Variants in COL5A1 observed in about 807,000 individuals in gnomAD.
COL5A1 encodes collagen alpha-1(V) chain.
COL5A1 carries 16 observed loss-of-function variants against 263.7 expected under a neutral mutation model. The observed-to-expected ratio is 0.06, with a 90% CI of 0.04 to 0.09. The LOEUF (loss-of-function observed/expected upper bound fraction) is 0.09, where lower values mean the gene tolerates loss of function less well. COL5A1 is among the 10% of genes least tolerant of loss of function. COL5A1 has a pLI of 1.00. For synonymous variants in COL5A1, 1,012 were observed against 1,004.5 expected, an observed-to-expected ratio of 1.01 and a Z score of -0.14; for missense variants, 2,036 against 2,540.5, an observed-to-expected ratio of 0.80 and a Z score of 4.27.
At chr9:134,831,637 G>T (rs755582035) in intron 64 of COL5A1, among the ~76,000 whole-genome samples, 1 of 152,190 alleles carries the variant, frequency 6.6e-6, no homozygotes, top group Non-Finnish European at 1.5e-5. Flanking sequence ...AGTCTTGCGG[G>T]TAGTTACCGC....
chr9:134,686,544 G>A lies in COL5A1; in HGVS notation c.110-4368G>A, dbSNP rs941216007. Among the ~76,000 whole-genome samples, 3 of 152,124 alleles carry A rather than the reference G, an allele frequency of 2.0e-5. No individual in the cohort carries two copies. Among genetic ancestry groups the A allele is most frequent in the Non-Finnish European group, 2.9e-5 (2 of 68,028 alleles). ...TGGGATTCCAGTCCTGAGCCACCGCGCCTGGCCATCAAATTCTTTTCAGTC... is the reference window on the plus strand; with the variant it reads ...TGGGATTCCAGTCCTGAGCCACCGCACCTGGCCATCAAATTCTTTTCAGTC... On this transcript the variant is annotated intron_variant, in intron 1 of 65. Coordinates refer to ENST00000371817, the MANE Select transcript of COL5A1 (RefSeq NM_000093.5). This position sits in a 1 kb window ranked among gnomAD's most constrained non-coding sequence, Gnocchi z 4.6.
At chr9:134,768,343 T>C in intron 24 of COL5A1, 67 bp from the exon 25 acceptor site, 1 of 1,360,448 alleles carries the variant, frequency 7.4e-7, no homozygotes, top group South Asian at 1.2e-5. Context: ...GTAACCTTGG[T>C]GGCCGACGGA....
chr9:134,793,173 C>T (rs1401650381), intron 32 of COL5A1, among the ~76,000 whole-genome samples: 1 of 151,596 alleles, frequency 6.6e-6, no homozygotes, highest in Non-Finnish European at 1.5e-5. Context: ...AGCCCCTTCC[C>T]GGGAAGGGGG....
At chr9:134,655,449 G>A (rs369872226) in intron 1 of COL5A1, among the ~76,000 whole-genome samples, 1 of 152,072 alleles carries the variant, frequency 6.6e-6, no homozygotes, top group African/African-American at 2.4e-5. Flanking sequence ...CCTGAGCTCA[G>A]TGCTGCTAAG....
chr9:134,759,712 ACCC>A (rs200903656), intron 18 of COL5A1, among the ~76,000 whole-genome samples: 1 of 55,330 alleles, frequency 1.8e-5, no homozygotes, highest in African/African-American at 9.5e-5. Flanking sequence ...ACATGCACAC[ACCC>A]CCCCACCCCC....
chr9:134,701,482 C>G (rs1175227959), intron 4 of COL5A1, 149 bp downstream of exon 4: 4 of 827,110 alleles, frequency 4.8e-6, no homozygotes, highest in Non-Finnish European at 8.0e-6. Context: ...GCCTCTGCTG[C>G]CATCCTAAGA....
intron 65 of COL5A1, among the ~76,000 whole-genome samples, chr9:134,836,721 C>A (rs1435399781): frequency 6.6e-6 from 1 of 152,220 alleles, no homozygotes; most frequent in East Asian, 1.9e-4. Flanking sequence ...CTGGCCCTCA[C>A]CCATAGGACG....
chr9:134,834,027 T>C (rs562627340), intron 64 of COL5A1, among the ~76,000 whole-genome samples: 1 of 152,148 alleles, frequency 6.6e-6, no homozygotes, highest in Admixed American at 6.5e-5. Flanking sequence ...TCCTGCCAGG[T>C]GGGGAGTGTC....
intron 1 of COL5A1, among the ~76,000 whole-genome samples, chr9:134,663,151 A>G (rs964218333): frequency 5.9e-5 from 9 of 152,234 alleles, no homozygotes; most frequent in Non-Finnish European, 2.9e-5. Context: ...TGCTGGGTGC[A>G]TCCATCGGAC....
At chr9:134,810,484 C>A in intron 44 of COL5A1, 176 bp downstream of exon 44, 2 of 619,390 alleles carry the variant, frequency 3.2e-6, no homozygotes, top group Non-Finnish European at 5.8e-6. Context: ...CACACGCGTG[C>A]ATATCTGGGA....
At chr9:134,830,227 G>A (rs937975860) in intron 64 of COL5A1, 183 bp downstream of exon 64, 25 of 1,555,604 alleles carry the variant, frequency 1.6e-5, no homozygotes, top group South Asian at 3.5e-5. Flanking sequence ...CTTGCGGCAC[G>A]GCTGGCTCGC....
intron 37 of COL5A1, among the ~76,000 whole-genome samples, chr9:134,799,034 T>C (rs1253274891): frequency 6.6e-6 from 1 of 152,158 alleles, no homozygotes; most frequent in Non-Finnish European, 1.5e-5. Context: ...ATGTCCCTTT[T>C]TACACTAAAG....
chr9:134,811,069 G>C lies in COL5A1; in HGVS notation c.3529-270G>C, dbSNP rs560000785. Among the ~76,000 whole-genome samples, 102 of 152,318 alleles carry C rather than the reference G, an allele frequency of 6.7e-4. No individual in the cohort carries two copies. In the South Asian group the frequency reaches 0.021, roughly 31 times the overall value. On this transcript the variant is annotated intron_variant, in intron 44 of 65. Coordinates refer to ENST00000371817, the MANE Select transcript of COL5A1 (RefSeq NM_000093.5). ...TCACGTGCCCCTGTTGTGGGTGCATGATGGGAGCTGAGATGACACACGGTG... is the reference window on the plus strand; with the variant it reads ...TCACGTGCCCCTGTTGTGGGTGCATCATGGGAGCTGAGATGACACACGGTG...
chr9:134,642,218 A>G lies in COL5A1; in HGVS notation c.31A>G (p.Ser11Gly). The change falls in exon 1 of 66, where the codon AGC becomes GGC. Residue 11 changes from serine (S) to glycine (G), a missense_variant. By Grantham distance (56) the Ser-to-Gly change is moderately conservative (BLOSUM62 0). Coordinates refer to ENST00000371817, the MANE Select transcript of COL5A1 (RefSeq NM_000093.5). This position sits in a 1 kb window ranked among gnomAD's most constrained non-coding sequence, Gnocchi z 4.5. Reference protein sequence around the residue: MDVHTRWKARSALRPGAPLLP... With the variant: MDVHTRWKARGALRPGAPLLP... ...CGTCCATACCCGCTGGAAAGCGCGC[A>G]GCGCGCTCCGCCCGGGCGCCCCGCT... is the stretch of plus-strand genomic sequence containing the variant. 7.7e-7 allele frequency: 1 copy of G among 1,301,850 alleles called. No homozygotes were observed. The highest frequency in any genetic ancestry group is 9.8e-7 in the Non-Finnish European group (1 of 1,022,032). 80.6% of individuals were successfully genotyped at this position (1,301,850 alleles called of 1,614,324 possible). A position where few individuals can be genotyped will look rare whatever the true frequency, so the allele number is the denominator to read the frequency against.
chr9:134,784,840 C>T (rs755081663), intron 29 of COL5A1, 149 bp from the exon 30 acceptor site: 2 of 672,314 alleles, frequency 3.0e-6, no homozygotes, highest in African/African-American at 1.8e-5. Context: ...GGGAGCAGCT[C>T]CGTGGTCTGA....
At chr9:134,811,193 C>A (rs1049939189) in intron 44 of COL5A1, 146 bp from the exon 45 acceptor site, 19 of 797,432 alleles carry the variant, frequency 2.4e-5, no homozygotes, top group Non-Finnish European at 3.6e-5. Flanking sequence ...AGCAGGCTTG[C>A]ATCGTGGTGC....
rs1433120962 is a variant in COL5A1 at position 134,727,324 on chromosome 9, A to G, written c.713A>G (p.Glu238Gly). ...SDHRAAYDYC[E>G]HYSPDCDTAV... is the part of the protein sequence containing the mutation. ...CACCGGGCAGCTTATGATTACTGTGAGCACTACAGCCCTGACTGTGACACC... is the reference window on the plus strand; with the variant it reads ...CACCGGGCAGCTTATGATTACTGTGGGCACTACAGCCCTGACTGTGACACC... Residue 238 changes from glutamate (E) to glycine (G), a missense_variant, in exon 5 of 66, where the codon GAG becomes GGG. This residue lies in a region of COL5A1 where 600 missense variants were observed against 634.5 expected (regional missense o/e 0.95). Coordinates refer to ENST00000371817, the MANE Select transcript of COL5A1 (RefSeq NM_000093.5). 4 of 1,613,968 alleles carry G rather than the reference A, an allele frequency of 2.5e-6. No homozygotes were observed. The highest frequency in any genetic ancestry group is 3.4e-6 in the Non-Finnish European group (4 of 1,179,910).
In COL5A1 at chr9:134,842,311, C is replaced by T. The variant is rs375921390; in HGVS notation, c.*8C>T. ...GCTTGCTTCATGGGCTAGGAGCCGC[C>T]GAGCCCGGGCTCCCGAGAGCAACCT... On this transcript the variant is annotated 3_prime_UTR_variant, in exon 66 of 66. Transcript: ENST00000371817. This position sits in a 1 kb window ranked among gnomAD's most constrained non-coding sequence, Gnocchi z 5.8. 69 of 1,613,872 alleles carry T rather than the reference C, an allele frequency of 4.3e-5. No homozygotes were observed. Among genetic ancestry groups the T allele is most frequent in the Admixed American group, 1.5e-4 (9 of 59,998 alleles).
chr9:134,796,358 C>T lies in COL5A1; in HGVS notation c.2800-16C>T, dbSNP rs1330580585. 6.2e-7 allele frequency: 1 copy of T among 1,613,860 alleles called. No individual in the cohort carries two copies. Among genetic ancestry groups the T allele is most frequent in the African/African-American group, 1.3e-5 (1 of 75,024 alleles). On this transcript the variant is annotated splice_polypyrimidine_tract_variant and intron_variant, in intron 34 of 65. Transcript: ENST00000371817. Reference sequence around the variant, plus strand: ...TAACAATCATAAGCTTTTCCCCCCTCTCCTTCCCTCTCAAGGGCAACTCCG... The same window carrying T: ...TAACAATCATAAGCTTTTCCCCCCTTTCCTTCCCTCTCAAGGGCAACTCCG...
Sources: gnomAD v4.1 joint callset for allele counts (sites outside exome capture counted in the v4.1 genomes callset) on GRCh38, gnomAD v4.1.1 for gene constraint, gnomAD v4.1.1 regional missense constraint, Gnocchi (gnomAD v3.1) non-coding constraint, MANE v1.5 for transcripts, NCBI Gene and HGNC (gene_info 2026-07-23, HGNC 2026-07-21) for gene names.